The following HPN variants were observed in gnomAD, a reference collection of about 807,000 sequenced individuals.
HPN encodes the protein hepsin.
HPN carries 13 observed loss-of-function variants against 55.9 expected under a neutral mutation model. The ratio of observed to expected loss-of-function variants is 0.23; its 90% CI spans 0.15 to 0.37. The LOEUF is 0.37. Among genes scored for constraint, HPN ranks in the 10% least tolerant of loss-of-function variants. HPN has a pLI of 1.00. For missense variants in HPN, 451 were observed against 575.8 expected (o/e 0.78, Z 2.22); for synonymous variants, 225 against 240.3 (o/e 0.94, Z 0.59).
intron 2 of HPN, among the ~76,000 whole-genome samples, 194 bp downstream of exon 2, chr19:35,042,716 C>T (rs956582421): frequency 6.6e-5 from 10 of 152,180 alleles, no homozygotes; most frequent in African/African-American, 2.2e-4. Flanking sequence ...CACCACCAGC[C>T]TCCCTTCTAC....
At chr19:35,064,886 A>T (rs1225924057) in intron 9 of HPN, among the ~76,000 whole-genome samples, 1 of 151,914 alleles carries the variant, frequency 6.6e-6, no homozygotes, top group Non-Finnish European at 1.5e-5. Context: ...CAATGACATG[A>T]TCTCGGCTCA....
chr19:35,063,574 T>A (rs2064562233), intron 9 of HPN, among the ~76,000 whole-genome samples: 1 of 152,096 alleles, frequency 6.6e-6, no homozygotes, highest in Non-Finnish European at 1.5e-5. Flanking sequence ...CCAGGTGTAG[T>A]GGCAGGCACC....
chr19:35,060,734 A>G lies in HPN; in HGVS notation c.728A>G (p.Tyr243Cys). 4 of 1,614,080 alleles carry G rather than the reference A, an allele frequency of 2.5e-6. No individual in the cohort carries two copies. Among genetic ancestry groups the G allele is most frequent in the Non-Finnish European group, 3.4e-6 (4 of 1,179,984 alleles). Residue 243 changes from tyrosine to cysteine, a missense_variant, in exon 9 of 13, where the codon TAT (tyrosine) becomes TGT (cysteine). Transcript: ENST00000672452. Reference sequence around the variant, plus strand: ...CAGGCTGTGGTCTACCACGGGGGCTATCTTCCCTTTCGGGACCCCAACAGC... The same window carrying G: ...CAGGCTGTGGTCTACCACGGGGGCTGTCTTCCCTTTCGGGACCCCAACAGC... ...GVQAVVYHGG[Y>C]LPFRDPNSEE...
chr19:35,053,228 A>T (rs924038543), intron 4 of HPN, among the ~76,000 whole-genome samples: 5 of 151,958 alleles, frequency 3.3e-5, no homozygotes, highest in African/African-American at 1.2e-4. Flanking sequence ...CCCCACTCCC[A>T]TCTCCCCCAA....
At chr19:35,065,164 T>G in intron 9 of HPN, 86 bp from the exon 10 acceptor site, 6 of 866,134 alleles carry the variant, frequency 6.9e-6, no homozygotes, top group African/African-American at 1.7e-5. Context: ...GCAGGGTGTG[T>G]TAGGGGCCAT....
intron 2 of HPN, among the ~76,000 whole-genome samples, chr19:35,047,910 A>G (rs962794814): frequency 6.0e-5 from 9 of 150,706 alleles, no homozygotes; most frequent in Non-Finnish European, 1.2e-4. Context: ...GAATTACCTG[A>G]GCCTGAGCGC....
At chr19:35,048,082 A>AAGAAAAGGAAGGAAGGAAGG (rs111546288) in intron 2 of HPN, among the ~76,000 whole-genome samples, 1 of 96,984 alleles carries the variant, frequency 1.0e-5, no homozygotes, top group African/African-American at 4.0e-5. Flanking sequence ...GAAAGAAAGA[A>AAGAAAAGGAAGGAAGGAAGG]AAGGAAGGAA....
chr19:35,058,068 G>A (rs775639697), intron 4 of HPN, among the ~76,000 whole-genome samples: 2 of 151,774 alleles, frequency 1.3e-5, no homozygotes, highest in Non-Finnish European at 2.9e-5. Context: ...CAGAAGAATC[G>A]CTTGAACCCG....
chr19:35,060,558 G>A, intron 8 of HPN, 46 bp downstream of exon 8: 2 of 1,611,974 alleles, frequency 1.2e-6, no homozygotes, highest in African/African-American at 1.3e-5. Context: ...CAGAGGAGCG[G>A]AGAGACAGTG....
intron 2 of HPN, 162 bp from the exon 3 acceptor site, chr19:35,049,128 G>T: frequency 2.2e-6 from 1 of 457,234 alleles, no homozygotes. Flanking sequence ...GGCAGGGGAG[G>T]AACAGCCCTG....
chr19:35,059,699 C>T lies in HPN; in HGVS notation c.187C>T (p.Leu63Phe), dbSNP rs1423752122. 1 of 1,600,334 alleles carries T rather than the reference C, an allele frequency of 6.2e-7. No individual in the cohort carries two copies. Among genetic ancestry groups the T allele is most frequent in the Non-Finnish European group, 8.5e-7 (1 of 1,174,206 alleles). ...PVQVSSADAR[L>F]MVFDKTEGTW... ...GCAGGTCAGCTCTGCGGACGCTCGG[C>T]TCATGGTCTTTGACAAGACGGAAGG... Residue 63 changes from leucine to phenylalanine, a missense_variant, in exon 5 of 13, where the codon CTC (leucine) becomes TTC (phenylalanine). Leu to Phe is a conservative substitution (Grantham distance 22, BLOSUM62 0). Transcript: ENST00000672452.
At chr19:35,046,776 G>A (rs933545657) in intron 2 of HPN, among the ~76,000 whole-genome samples, 1 of 152,162 alleles carries the variant, frequency 6.6e-6, no homozygotes, top group Non-Finnish European at 1.5e-5. Context: ...TTACTCTTTG[G>A]CCTTCTTATA....
intron 9 of HPN, among the ~76,000 whole-genome samples, chr19:35,063,653 G>C (rs1430788185): frequency 6.6e-6 from 1 of 152,230 alleles, no homozygotes; most frequent in Non-Finnish European, 1.5e-5. Flanking sequence ...AGGTTGCAGT[G>C]AGCCAAGATC....
chr19:35,047,771 GCAGATAA>G (rs1409857639), intron 2 of HPN, among the ~76,000 whole-genome samples: 10 of 151,988 alleles, frequency 6.6e-5, no homozygotes, highest in Non-Finnish European at 1.3e-4. Context: ...GCTGAGACAA[GCAGATAA>G]CTTGAGTCTG....
intron 4 of HPN, among the ~76,000 whole-genome samples, chr19:35,051,464 T>C (rs981470867): frequency 6.6e-6 from 1 of 152,160 alleles, no homozygotes; most frequent in African/African-American, 2.4e-5. Flanking sequence ...CAGTCTGATC[T>C]TGAACTCCTG....
At chr19:35,047,014 G>C (rs1600379405) in intron 2 of HPN, among the ~76,000 whole-genome samples, 1 of 152,040 alleles carries the variant, frequency 6.6e-6, no homozygotes, top group Non-Finnish European at 1.5e-5. Flanking sequence ...ATTCTTAGTA[G>C]AGACGGGGTT....
At chr19:35,058,236 G>A (rs1451896213) in intron 4 of HPN, among the ~76,000 whole-genome samples, 3 of 150,762 alleles carry the variant, frequency 2.0e-5, no homozygotes, top group Non-Finnish European at 4.4e-5. Flanking sequence ...CTGGAGTGCA[G>A]TGGCACGATC....
intron 9 of HPN, among the ~76,000 whole-genome samples, chr19:35,062,684 A>T (rs1688042): frequency 0.85 from 129,297 of 151,662 alleles, 56,171 homozygotes; most frequent in Non-Finnish European, 0.93. Flanking sequence ...GGAGTTCAAG[A>T]CTCGCCTGGG....
chr19:35,045,249 C>T (rs112306987), intron 2 of HPN, among the ~76,000 whole-genome samples: 81 of 152,136 alleles, frequency 5.3e-4, no homozygotes, highest in Middle Eastern at 3.4e-3. Flanking sequence ...GGGGAGGCTG[C>T]GGCCAGCCCT....
Sources: allele counts gnomAD v4.1 joint callset (sites outside exome capture counted in the v4.1 genomes callset), GRCh38; gene constraint gnomAD v4.1.1; transcripts MANE v1.5; gene names NCBI Gene and HGNC (gene_info 2026-07-23, HGNC 2026-07-21).